The following AMPH variants were observed in gnomAD, a reference collection of about 807,000 sequenced individuals.
AMPH encodes the protein amphiphysin (Stiff-Mann syndrome with breast cancer 128kD autoantigen).
A neutral mutation model predicts 99.1 loss-of-function variants in AMPH; 49 were observed. That is an observed-to-expected ratio of 0.49 (90% confidence interval 0.39 to 0.63). AMPH has a LOEUF of 0.63. Among genes scored for constraint, AMPH ranks in the 20% least tolerant of loss-of-function variants. The pLI, the probability that AMPH is intolerant of heterozygous loss-of-function variation, is 0.00. For synonymous variants in AMPH, 314 were observed against 317.3 expected, an observed-to-expected ratio of 0.99 and a Z score of 0.11; for missense variants, 759 against 863.4, an observed-to-expected ratio of 0.88 and a Z score of 1.52.
intron 2 of AMPH, among the ~76,000 whole-genome samples, chr7:38,533,578 C>T (rs1422047714): frequency 4.6e-5 from 7 of 152,038 alleles, no homozygotes; most frequent in Admixed American, 4.6e-4. Flanking sequence ...AGCAGGAACC[C>T]TGATACACAA....
chr7:38,559,218 A>G (rs975279943), intron 1 of AMPH, among the ~76,000 whole-genome samples: 8 of 152,228 alleles, frequency 5.3e-5, no homozygotes, highest in Admixed American at 5.2e-4. Flanking sequence ...AATCACAACC[A>G]GTTACCCAGC....
intron 5 of AMPH, among the ~76,000 whole-genome samples, chr7:38,484,197 T>C (rs1030340147): frequency 1.3e-5 from 2 of 151,982 alleles, no homozygotes; most frequent in East Asian, 1.9e-4. Context: ...CAGAAAGCTA[T>C]TGAAAGAAAT....
chr7:38,526,740 C>T (rs1239497942), intron 2 of AMPH, among the ~76,000 whole-genome samples: 1 of 152,118 alleles, frequency 6.6e-6, no homozygotes, highest in East Asian at 1.9e-4. Context: ...CTCTTAACAG[C>T]TCTTTTGCAA....
chr7:38,514,517 C>A (rs4723764), intron 2 of AMPH, among the ~76,000 whole-genome samples: 3 of 152,060 alleles, frequency 2.0e-5, no homozygotes, highest in Non-Finnish European at 4.4e-5. Context: ...ATTTAATTGC[C>A]GTTGTAACAG....
intron 1 of AMPH, among the ~76,000 whole-genome samples, chr7:38,574,837 C>T (rs1458516019): frequency 2.0e-5 from 3 of 151,888 alleles, no homozygotes; most frequent in Non-Finnish European, 4.4e-5. Context: ...GGGCAGATCA[C>T]GAGGTGAAGA....
intron 1 of AMPH, among the ~76,000 whole-genome samples, chr7:38,617,849 G>GA (rs35883393): frequency 0.77 from 115,802 of 151,316 alleles, 45,344 homozygotes; most frequent in African/African-American, 0.85. Context: ...CTATGGAATG[G>GA]AAAAAAAAAC....
chr7:38,613,813 A>C (rs1793768213), intron 1 of AMPH, among the ~76,000 whole-genome samples: 1 of 151,884 alleles, frequency 6.6e-6, no homozygotes, highest in African/African-American at 2.4e-5. Flanking sequence ...CCAAAAAAAA[A>C]AAAAATAGCA....
intron 1 of AMPH, among the ~76,000 whole-genome samples, chr7:38,617,578 C>A (rs1793921249): frequency 6.6e-6 from 1 of 152,202 alleles, no homozygotes; most frequent in African/African-American, 2.4e-5. Flanking sequence ...CATAACCAAA[C>A]CAAGAATAAA....
intron 17 of AMPH, among the ~76,000 whole-genome samples, chr7:38,399,878 GCAAA>G (rs370009936): frequency 2.8e-4 from 43 of 152,174 alleles, no homozygotes; most frequent in Middle Eastern, 3.4e-3. Context: ...AACAGCTATT[GCAAA>G]CAGAGACTAA....
At chr7:38,488,916 C>T (rs1188978517) in intron 5 of AMPH, among the ~76,000 whole-genome samples, 1 of 152,150 alleles carries the variant, frequency 6.6e-6, no homozygotes, top group African/African-American at 2.4e-5. Flanking sequence ...AATACCCATA[C>T]TACCCAAAGT....
intron 1 of AMPH, among the ~76,000 whole-genome samples, chr7:38,622,186 G>A (rs1794095416): frequency 6.6e-6 from 1 of 152,090 alleles, no homozygotes; most frequent in Non-Finnish European, 1.5e-5. Flanking sequence ...TTTTACAGGA[G>A]CCCACTGGGC....
At chr7:38,428,233 C>T (rs1382981634) in intron 14 of AMPH, 1 of 456,584 alleles carries the variant, frequency 2.2e-6, no homozygotes, top group Non-Finnish European at 4.4e-6. Flanking sequence ...TTATTCATTG[C>T]TGAATCCAAG....
At chr7:38,458,701 G>T (rs1434208312) in intron 11 of AMPH, among the ~76,000 whole-genome samples, 2 of 152,030 alleles carry the variant, frequency 1.3e-5, no homozygotes, top group African/African-American at 4.8e-5. Context: ...GAAATAGAAG[G>T]AACTGACCTC....
At chr7:38,499,702 T>C (rs925057439) in intron 3 of AMPH, among the ~76,000 whole-genome samples, 2 of 152,150 alleles carry the variant, frequency 1.3e-5, no homozygotes. Flanking sequence ...TAAATTATGA[T>C]CTACTTAAGG....
intron 20 of AMPH, 123 bp from the exon 21 acceptor site, chr7:38,385,048 TA>T (rs1439285292): frequency 1.2e-6 from 1 of 823,476 alleles, no homozygotes; most frequent in Non-Finnish European, 2.0e-6. Flanking sequence ...ACATTACAGG[TA>T]AAGTGCTGTG....
At chr7:38,477,472 G>T (rs1238777439) in intron 5 of AMPH, among the ~76,000 whole-genome samples, 5 of 152,076 alleles carry the variant, frequency 3.3e-5, no homozygotes, top group Non-Finnish European at 7.4e-5. Flanking sequence ...GAATCCCCTG[G>T]ACTAATGTGT....
chr7:38,437,839 C>T (rs146901717), intron 11 of AMPH, among the ~76,000 whole-genome samples: 92 of 151,924 alleles, frequency 6.1e-4, no homozygotes, highest in African/African-American at 2.0e-3. Flanking sequence ...TAAAGAAAAG[C>T]GAGGTGGTAT....
chr7:38,420,559 GAGGACC>G (rs1458929073), intron 16 of AMPH, among the ~76,000 whole-genome samples: 1 of 152,228 alleles, frequency 6.6e-6, no homozygotes, highest in African/African-American at 2.4e-5. Context: ...GTTTAACTCT[GAGGACC>G]ATAAACCAAT....
At chr7:38,615,727 G>A (rs1461580853) in intron 1 of AMPH, among the ~76,000 whole-genome samples, 1 of 152,142 alleles carries the variant, frequency 6.6e-6, no homozygotes, top group Non-Finnish European at 1.5e-5. Context: ...ACATCCTGTA[G>A]CTGCACAGTG....
Sources: gnomAD v4.1 joint callset for allele counts (sites outside exome capture counted in the v4.1 genomes callset) on GRCh38, gnomAD v4.1.1 for gene constraint, MANE v1.5 for transcripts, NCBI Gene and HGNC (gene_info 2026-07-23, HGNC 2026-07-21) for gene names.